Variants in SPECC1 observed in about 807,000 individuals in gnomAD.
The protein encoded by SPECC1 is cytospin-B.
In SPECC1, 62 loss-of-function variants were observed where a neutral mutation model predicts 104.1. That is an observed-to-expected ratio of 0.60 (90% CI 0.49 to 0.74). The LOEUF (loss-of-function observed/expected upper bound fraction) is 0.74, where lower values mean the gene tolerates loss of function less well. Among genes scored for constraint, SPECC1 ranks in the 30% least tolerant of loss-of-function variants. The pLI, the probability that SPECC1 is intolerant of heterozygous loss-of-function variation, is 0.00. For missense variants in SPECC1, 1,306 were observed against 1,310.5 expected, an observed-to-expected ratio of 1.00 and a Z score of 0.05; for synonymous variants, 513 against 501.6, an observed-to-expected ratio of 1.02 and a Z score of -0.30.
chr17:20,130,987 G>C (rs1176491321), intron 3 of SPECC1, among the ~76,000 whole-genome samples: 1 of 152,286 alleles, frequency 6.6e-6, no homozygotes, highest in Non-Finnish European at 1.5e-5. Flanking sequence ...TTGAGGAATT[G>C]TAAATGATAC....
intron 1 of SPECC1, among the ~76,000 whole-genome samples, chr17:20,050,885 A>T (rs2045714283): frequency 6.6e-6 from 1 of 152,200 alleles, no homozygotes; most frequent in African/African-American, 2.4e-5. Flanking sequence ...CTCTTAGAAA[A>T]CTAATGCATA....
At chr17:20,047,420 G>C (rs1363146364) in intron 1 of SPECC1, among the ~76,000 whole-genome samples, 3 of 152,174 alleles carry the variant, frequency 2.0e-5, no homozygotes, top group East Asian at 3.8e-4. Flanking sequence ...TGTGTCTTGT[G>C]CTGGTTGGAC....
At chr17:20,224,753 A>G (rs1403942860) in intron 4 of SPECC1, among the ~76,000 whole-genome samples, 2 of 152,104 alleles carry the variant, frequency 1.3e-5, no homozygotes, top group African/African-American at 4.8e-5. Flanking sequence ...ACTAAGGCCT[A>G]GATGGGGGAC....
At position 20,116,927 on chromosome 17, in the gene SPECC1, A is replaced by G. The variant is rs77476893; in HGVS notation, c.283+6365A>G. On this transcript the variant is annotated intron_variant, in intron 3 of 14. Transcript: ENST00000395527. ...ATGCGCAGGACCGTCCCTGCAGTGG[A>G]GAGTGTCCTGCCCAAAAATGTCAAC... Among the ~76,000 whole-genome samples, 611 of 145,320 alleles carry G rather than the reference A, an allele frequency of 4.2e-3. 7 individuals are homozygous for G. The East Asian group carries it at 0.057, about 13-fold the overall frequency.
intron 4 of SPECC1, among the ~76,000 whole-genome samples, chr17:20,210,933 T>C (rs931668077): frequency 2.0e-5 from 3 of 152,142 alleles, no homozygotes; most frequent in East Asian, 1.9e-4. Flanking sequence ...CCCCACCCCA[T>C]TGACCATTAC....
intron 3 of SPECC1, among the ~76,000 whole-genome samples, chr17:20,114,129 T>C (rs1365706577): frequency 6.6e-6 from 1 of 152,216 alleles, no homozygotes. Context: ...ATTTGGCTGG[T>C]CCAAGATGTA....
intron 12 of SPECC1, among the ~76,000 whole-genome samples, chr17:20,266,878 C>T (rs549582145): frequency 1.3e-5 from 2 of 152,250 alleles, no homozygotes; most frequent in African/African-American, 4.8e-5. Context: ...AGCTTTATTT[C>T]CCACCAAGGC....
At chr17:20,210,537 T>G (rs1438828094) in intron 4 of SPECC1, among the ~76,000 whole-genome samples, 1 of 152,232 alleles carries the variant, frequency 6.6e-6, no homozygotes, top group African/African-American at 2.4e-5. Context: ...TACATCTGAT[T>G]GGTGAGAACT....
chr17:20,031,183 C>G (rs1221789259), intron 1 of SPECC1, among the ~76,000 whole-genome samples: 1 of 152,040 alleles, frequency 6.6e-6, no homozygotes, highest in Non-Finnish European at 1.5e-5. Context: ...TTAGCAGAGA[C>G]AGGGTTTTGC....
At chr17:20,013,349 A>G (rs1372520755) in intron 1 of SPECC1, among the ~76,000 whole-genome samples, 1 of 152,178 alleles carries the variant, frequency 6.6e-6, no homozygotes, top group Admixed American at 6.5e-5. Context: ...GTTTCCATAC[A>G]TCCTTGCTAA....
rs1231761402 is a variant in SPECC1 at position 20,245,995 on chromosome 17, C to T, written c.2421C>T (p.Ser807=). 6.2e-7 allele frequency: 1 copy of T among 1,614,152 alleles called. No individual in the cohort carries two copies. The highest frequency in any genetic ancestry group is 2.2e-5 in the East Asian group (1 of 44,864). ...GTCGGTGGCCTGGTGTCTGTGTTAG[C>T]AGAACATCTCCAACACCCCCAGAGT... The part of the protein sequence containing the change: ...AAGRWPGVCV[S]RTSPTPPESA... The change falls in exon 8 of 15, where the codon AGC becomes AGT. Residue 807 remains serine (S), a synonymous_variant. Transcript: ENST00000395527.
Position 20,260,209 on chromosome 17 carries a change from C to T in SPECC1, c.2855C>T (p.Pro952Leu). 6.2e-7 allele frequency: 1 copy of T among 1,613,776 alleles called. No homozygotes were observed. The highest frequency in any genetic ancestry group is 8.5e-7 in the Non-Finnish European group (1 of 1,179,816). Residue 952 changes from proline (P) to leucine (L), a missense_variant, in exon 12 of 15, where the codon CCT becomes CTT. Physicochemically the swap from Pro to Leu is moderately conservative, Grantham distance 98. Around this residue, in one of 2 missense-constraint regions of SPECC1, gnomAD observed 129 missense variants for 170.6 expected, o/e 0.76. Transcript: ENST00000395527. ...QSKLSVERKD[P>L]LAALAREYGG... is the part of the protein sequence containing the mutation. The stretch of plus-strand genomic sequence containing the variant: ...CTAACCAGTGTGGAAAGAAAAGACC[C>T]TCTGGCAGCCTTGGCCCGGGAATAC...
intron 1 of SPECC1, among the ~76,000 whole-genome samples, chr17:20,030,652 G>A (rs2044772138): frequency 6.6e-6 from 1 of 152,084 alleles, no homozygotes; most frequent in South Asian, 2.1e-4. Flanking sequence ...CATTGTTAGT[G>A]TCATAGTTAC....
rs950892316 is a variant in SPECC1, at chr17:20,101,006, T to C, written c.147+4208T>C. Reference sequence around the variant, plus strand: ...CAAAGGACATGAACTCATTCTTTTTTATGGCTGCATAGTATTCCATGGTGT... The same window carrying C: ...CAAAGGACATGAACTCATTCTTTTTCATGGCTGCATAGTATTCCATGGTGT... On this transcript the variant is annotated intron_variant, in intron 2 of 14. Transcript: ENST00000395527. Among the ~76,000 whole-genome samples the C allele has an allele frequency of 4.6e-5, 7 of 152,234 alleles. 1 individual carries two copies. In the South Asian group the frequency reaches 1.4e-3, roughly 32 times the overall value.
chr17:20,084,306 G>C (rs2047095308), intron 1 of SPECC1, among the ~76,000 whole-genome samples: 1 of 152,098 alleles, frequency 6.6e-6, no homozygotes, highest in South Asian at 2.1e-4. Context: ...GAGGGCACTT[G>C]TAATTCCAGC....
chr17:20,235,984 CT>C (rs1446117666), intron 7 of SPECC1, among the ~76,000 whole-genome samples: 1 of 152,214 alleles, frequency 6.6e-6, no homozygotes, highest in Non-Finnish European at 1.5e-5. Flanking sequence ...TGTGCCTGTG[CT>C]GCCCTCTGTG....
chr17:20,121,127 T>C (rs1160778361), intron 3 of SPECC1, among the ~76,000 whole-genome samples: 2 of 152,184 alleles, frequency 1.3e-5, no homozygotes, highest in Admixed American at 6.5e-5. Flanking sequence ...GCCACCTGCC[T>C]GCACTGTGCC....
intron 1 of SPECC1, among the ~76,000 whole-genome samples, chr17:20,037,886 ATTAAGT>A (rs1237641218): frequency 2.6e-5 from 4 of 152,162 alleles, no homozygotes; most frequent in Non-Finnish European, 5.9e-5. Context: ...TTTATAAAAT[ATTAAGT>A]TTAATGTTTC....
chr17:20,313,553 G>A (rs1347777377), intron 14 of SPECC1, among the ~76,000 whole-genome samples: 2 of 152,254 alleles, frequency 1.3e-5, no homozygotes, highest in East Asian at 1.9e-4. Flanking sequence ...GGACCCGGGT[G>A]TGAAATGCTC....
Sources: allele counts gnomAD v4.1 joint callset (sites outside exome capture counted in the v4.1 genomes callset), GRCh38; gene constraint gnomAD v4.1.1; regional missense constraint gnomAD v4.1.1; transcripts MANE v1.5; gene names NCBI Gene and HGNC (gene_info 2026-07-23, HGNC 2026-07-21).